TRAPPC12: variants seen among roughly 807,000 people sequenced by gnomAD.
TRAPPC12 encodes TPR repeat protein 15.
Under a neutral mutation model 69.2 loss-of-function variants are expected in TRAPPC12, and 61 were observed. That is an observed-to-expected ratio of 0.88 (90% CI 0.72 to 1.09). TRAPPC12 has a LOEUF of 1.09. Ranked by LOEUF, TRAPPC12 falls within the 50% of genes least tolerant of loss-of-function variation. The probability of loss-of-function intolerance (pLI) is 0.00; values close to 1 mark genes in which losing one functional copy is unlikely to be tolerated. For missense variants in TRAPPC12, 1,101 were observed against 1,016.4 expected (o/e 1.08, Z -1.13); for synonymous variants, 469 against 438.9 (o/e 1.07, Z -0.86).
chr2:3,477,639 A>G (rs1321170069), intron 9 of TRAPPC12, 56 bp from the exon 10 acceptor site: 4 of 1,030,660 alleles, frequency 3.9e-6, no homozygotes, highest in Non-Finnish European at 5.8e-6. Context: ...TAAATATATG[A>G]GTATAGACTT....
chr2:3,450,308 C>T lies in TRAPPC12; in HGVS notation c.1530+6417C>T, dbSNP rs909576053. Among the ~76,000 whole-genome samples the T allele has an allele frequency of 3.9e-5, 6 of 152,278 alleles. No individual in the cohort carries two copies. In the East Asian group the frequency reaches 5.8e-4, roughly 15 times the overall value. On this transcript the variant is annotated intron_variant, in intron 6 of 11. Transcript: ENST00000324266. ...CGTGCATTCTTTGCCTTGCTTTTCTCGGCAGTATGTGTTCTGTCAATCTGT... is the reference window on the plus strand; with the variant it reads ...CGTGCATTCTTTGCCTTGCTTTTCTTGGCAGTATGTGTTCTGTCAATCTGT...
rs375726071 is a variant in TRAPPC12 at position 3,387,858 on chromosome 2, G to A, written c.235G>A (p.Glu79Lys). The change falls in exon 2 of 12, where the codon GAG (glutamate) becomes AAG (lysine). Residue 79 changes from glutamate (E) to lysine (K), a missense_variant. Coordinates refer to ENST00000324266, the MANE Select transcript of TRAPPC12 (RefSeq NM_016030.6). The stretch of plus-strand genomic sequence containing the variant: ...CCTCATCTCTGACTCCCCCAACAGC[G>A]AGGGCGACGCGGGCGACCTGGGCCG... ...SVLISDSPNS[E>K]GDAGDLGRVR... The A allele has an allele frequency of 8.7e-6, 14 of 1,600,290 alleles. No homozygotes were observed. Among genetic ancestry groups the A allele is most frequent in the African/African-American group, 8.1e-5 (6 of 74,500 alleles).
At chr2:3,400,690 C>T (rs1485004698) in intron 2 of TRAPPC12, among the ~76,000 whole-genome samples, 2 of 152,170 alleles carry the variant, frequency 1.3e-5, no homozygotes, top group Non-Finnish European at 2.9e-5. Flanking sequence ...GTGCAGCCAC[C>T]GAAACAGCAC....
chr2:3,435,675 C>A (rs1663732147), intron 5 of TRAPPC12, among the ~76,000 whole-genome samples: 1 of 152,148 alleles, frequency 6.6e-6, no homozygotes, highest in South Asian at 2.1e-4. Context: ...TGTTTGGTCC[C>A]CAAGGCCTCA....
chr2:3,432,294 G>A (rs1440763350), intron 5 of TRAPPC12, among the ~76,000 whole-genome samples: 3 of 152,202 alleles, frequency 2.0e-5, no homozygotes, highest in Non-Finnish European at 4.4e-5. Flanking sequence ...AGTGGATGGG[G>A]CAAACACTTC....
At chr2:3,427,800 C>T (rs1235921399) in intron 5 of TRAPPC12, among the ~76,000 whole-genome samples, 1 of 151,894 alleles carries the variant, frequency 6.6e-6, no homozygotes, top group Admixed American at 6.6e-5. Flanking sequence ...GGCTGAGGCA[C>T]GAGAATCTCT....
intron 9 of TRAPPC12, among the ~76,000 whole-genome samples, chr2:3,470,756 C>CA (rs1558409032): frequency 1.3e-5 from 2 of 152,106 alleles, no homozygotes; most frequent in African/African-American, 4.8e-5. Flanking sequence ...AAACACTAAT[C>CA]AAAAAGGAAG....
At chr2:3,410,212 TAGC>T (rs1661985749) in intron 3 of TRAPPC12, among the ~76,000 whole-genome samples, 1 of 152,218 alleles carries the variant, frequency 6.6e-6, no homozygotes, top group Non-Finnish European at 1.5e-5. Context: ...ACTTAATCAA[TAGC>T]AGCAATTATC....
Position 3,479,565 on chromosome 2 carries a change from A to G in TRAPPC12, c.*104A>G. The G allele has an allele frequency of 3.5e-6, 5 of 1,426,618 alleles. No individual in the cohort carries two copies. Among genetic ancestry groups the G allele is most frequent in the Non-Finnish European group, 4.8e-6 (5 of 1,046,742 alleles). 88.4% of individuals were successfully genotyped at this position (1,426,618 alleles called of 1,614,324 possible). A position where few individuals can be genotyped will look rare whatever the true frequency, so the allele number is the denominator to read the frequency against. ...AGGAACTCAATAAAACTCCTGCTTC[A>G]CTGGTGTCTGCTGCGTGTCTTCTTG... On this transcript the variant is annotated 3_prime_UTR_variant, in exon 12 of 12. Transcript: ENST00000324266.
chr2:3,453,602 A>G (rs188280216), intron 6 of TRAPPC12, among the ~76,000 whole-genome samples: 3 of 152,262 alleles, frequency 2.0e-5, no homozygotes, highest in Admixed American at 2.0e-4. Context: ...CCTCTTCCCA[A>G]ACGAACCGGG....
At chr2:3,443,006 T>A (rs1298540711) in intron 5 of TRAPPC12, among the ~76,000 whole-genome samples, 1 of 152,212 alleles carries the variant, frequency 6.6e-6, no homozygotes, top group African/African-American at 2.4e-5. Context: ...TTAGTATACA[T>A]ACTACAGATC....
intron 7 of TRAPPC12, chr2:3,458,513 G>A (rs1022356561): frequency 1.1e-6 from 1 of 947,314 alleles, no homozygotes; most frequent in Admixed American, 6.2e-5. Context: ...GAACGTGTGT[G>A]AGGTGTGTAT....
chr2:3,467,205 GTTCGCT>G (rs1665856273), intron 9 of TRAPPC12, among the ~76,000 whole-genome samples: 1 of 152,182 alleles, frequency 6.6e-6, no homozygotes, highest in South Asian at 2.1e-4. Flanking sequence ...AGCCCTCGGT[GTTCGCT>G]TTTCTGAGGA....
intron 2 of TRAPPC12, among the ~76,000 whole-genome samples, chr2:3,400,121 C>T (rs930018638): frequency 5.9e-5 from 9 of 152,204 alleles, no homozygotes; most frequent in African/African-American, 2.2e-4. Flanking sequence ...CTGCTGCGGG[C>T]CAGACGCCCA....
intron 2 of TRAPPC12, 33 bp downstream of exon 2, chr2:3,388,703 G>C (rs778798471): frequency 1.3e-6 from 2 of 1,498,546 alleles, no homozygotes; most frequent in South Asian, 2.6e-5. Context: ...CGCAGCCCGT[G>C]CCTCCTCTCT....
At chr2:3,391,299 C>T (rs891637893) in intron 2 of TRAPPC12, among the ~76,000 whole-genome samples, 1 of 152,184 alleles carries the variant, frequency 6.6e-6, no homozygotes, top group Non-Finnish European at 1.5e-5. Flanking sequence ...CCTGAACCCA[C>T]TTACCCACTC....
intron 1 of TRAPPC12, among the ~76,000 whole-genome samples, chr2:3,382,502 T>G (rs1660263055): frequency 6.6e-6 from 1 of 152,198 alleles, no homozygotes; most frequent in Admixed American, 6.5e-5. Context: ...GCATCATAGC[T>G]TACACTGCTC....
At chr2:3,458,865 C>T (rs929537077) in intron 7 of TRAPPC12, among the ~76,000 whole-genome samples, 2 of 152,142 alleles carry the variant, frequency 1.3e-5, no homozygotes, top group Admixed American at 1.3e-4. Context: ...CTGCAAAGAT[C>T]ATCAGAATAA....
chr2:3,470,997 A>C (rs1336064751), intron 9 of TRAPPC12, among the ~76,000 whole-genome samples: 3 of 152,098 alleles, frequency 2.0e-5, no homozygotes, highest in African/African-American at 7.2e-5. Flanking sequence ...AAAATTTTGC[A>C]TTGAATGTAG....
Sources: gnomAD v4.1 joint callset for allele counts (sites outside exome capture counted in the v4.1 genomes callset) on GRCh38, gnomAD v4.1.1 for gene constraint, MANE v1.5 for transcripts, NCBI Gene and HGNC (gene_info 2026-07-23, HGNC 2026-07-21) for gene names.